SHF: variants seen among roughly 807,000 people sequenced by gnomAD.
SHF encodes SH2 domain-containing adapter protein F.
SHF carries 30 observed loss-of-function variants against 42.4 expected under a neutral mutation model. The observed-to-expected ratio is 0.71, with a 90% CI of 0.53 to 0.96. SHF has a LOEUF of 0.96. Among genes scored for constraint, SHF ranks in the 40% least tolerant of loss-of-function variants. The pLI is 0.00. For missense variants in SHF, 598 were observed against 634.0 expected (o/e 0.94, Z 0.61); for synonymous variants, 264 against 269.9 (o/e 0.98, Z 0.21).
At chr15:45,180,454 C>CT (rs1898069156) in intron 1 of SHF, among the ~76,000 whole-genome samples, 1 of 152,238 alleles carries the variant, frequency 6.6e-6, no homozygotes, top group African/African-American at 2.4e-5. Flanking sequence ...TTAACAGTGT[C>CT]TGACTCAACC....
chr15:45,175,411 T>G lies in SHF; in HGVS notation c.655A>C (p.Lys219Gln), dbSNP rs956805718. 5.0e-6 allele frequency: 8 copies of G among 1,584,708 alleles called. No individual in the cohort carries two copies. The highest frequency in any genetic ancestry group is 1.7e-4 in the Middle Eastern group (1 of 6,016). ...GGCAAGGGCTGAGTTGCTGTCTCCT[T>G]GGAGCCCCGGATCTCTGCCGGAGCA... ...QKMMAEIRGS[K>Q]ETATQPLPLY... The change falls in exon 3 of 7, where the codon AAG becomes CAG. Residue 219 changes from lysine to glutamine, a missense_variant. Transcript: ENST00000690270.
At chr15:45,175,819 CTTTTTTT>C (rs71114315) in intron 2 of SHF, among the ~76,000 whole-genome samples, 2 of 126,028 alleles carry the variant, frequency 1.6e-5, no homozygotes, top group African/African-American at 2.8e-5. Context: ...TTTTTCTTTT[CTTTTTTT>C]TTTTTTTTTT....
intron 1 of SHF, among the ~76,000 whole-genome samples, chr15:45,178,958 C>A (rs554575932): frequency 6.6e-6 from 1 of 152,262 alleles, no homozygotes; most frequent in Non-Finnish European, 1.5e-5. Flanking sequence ...CCATAGCTTA[C>A]ACCAGGTGGT....
chr15:45,193,713 A>G (rs1373668871), intron 2 of SHF, among the ~76,000 whole-genome samples: 1 of 152,202 alleles, frequency 6.6e-6, no homozygotes, highest in Non-Finnish European at 1.5e-5. Flanking sequence ...AAATGGAGCC[A>G]GGTGCAGTGG....
intron 1 of SHF, among the ~76,000 whole-genome samples, chr15:45,180,493 C>T (rs1022411760): frequency 6.6e-6 from 1 of 152,248 alleles, no homozygotes; most frequent in Non-Finnish European, 1.5e-5. Context: ...CTTGCGATGG[C>T]TCTCCAGTGC....
chr15:45,183,783 T>C (rs1433419906), intron 1 of SHF, among the ~76,000 whole-genome samples: 2 of 152,088 alleles, frequency 1.3e-5, no homozygotes, highest in African/African-American at 4.8e-5. Flanking sequence ...CCAGACAGAG[T>C]TGGTGCCACA....
rs1897281452 is a variant in SHF at position 45,167,365 on chromosome 15, T to C, written c.*582A>G. 1 of 151,970 alleles carries C rather than the reference T, an allele frequency of 6.6e-6. No homozygotes were observed. Among genetic ancestry groups the C allele is most frequent in the Non-Finnish European group, 1.5e-5 (1 of 68,110 alleles). The allele number at this position is 151,970 out of a possible 1,614,324, so 9.4% of individuals were successfully genotyped here. On this transcript the variant is annotated 3_prime_UTR_variant, in exon 7 of 7. Transcript: ENST00000690270. ...CAGGATCGGGTTTATTTATTGCCTCTGGCCCGGAGCCGGGGCGGCCTGGGG... is the reference window on the plus strand; with the variant it reads ...CAGGATCGGGTTTATTTATTGCCTCCGGCCCGGAGCCGGGGCGGCCTGGGG...
chr15:45,172,068 G>A lies in SHF; in HGVS notation c.1161-66C>T, dbSNP rs1251098419. 1.9e-6 allele frequency: 3 copies of A among 1,613,784 alleles called. No individual in the cohort carries two copies. The African/African-American group carries it at 4.0e-5, about 22-fold the overall frequency. On this transcript the variant is annotated intron_variant, in intron 5 of 6. Transcript: ENST00000690270. The stretch of plus-strand genomic sequence containing the variant: ...CCCTCGCTGTCCAGGCCCACCCATT[G>A]TGGGTGTCCCCTGTAGGGAAGCCAG...
At chr15:45,196,621 GGC>G (rs1898869959) in intron 2 of SHF, among the ~76,000 whole-genome samples, 2 of 152,090 alleles carry the variant, frequency 1.3e-5, no homozygotes, top group Non-Finnish European at 2.9e-5. Flanking sequence ...GGAAAGGCCG[GGC>G]GTGGTGGCTC....
intron 1 of SHF, among the ~76,000 whole-genome samples, chr15:45,180,339 A>C (rs1018732130): frequency 6.6e-6 from 1 of 152,044 alleles, no homozygotes; most frequent in African/African-American, 2.4e-5. Flanking sequence ...TCCCAGGCCA[A>C]CTGGCACCCA....
chr15:45,201,027 C>T, exon 1 of SHF: 1 of 351,620 alleles, frequency 2.8e-6, no homozygotes, highest in South Asian at 2.1e-5. Flanking sequence ...GCTGCTCTTG[C>T]GGGTGAACGT....
chr15:45,171,733 G>C, intron 6 of SHF, 150 bp downstream of exon 6: 1 of 759,564 alleles, frequency 1.3e-6, no homozygotes, highest in Non-Finnish European at 2.1e-6. Flanking sequence ...TGAGAGCAGG[G>C]GCTGAGTCTC....
chr15:45,198,677 C>A (rs1030651379), intron 2 of SHF: 26 of 1,476,022 alleles, frequency 1.8e-5, no homozygotes, highest in South Asian at 2.6e-5. Context: ...ACGATCACGG[C>A]GAGCTACCGG....
chr15:45,191,239 G>T (rs1024441159), upstream of SHF, among the ~76,000 whole-genome samples: 4 of 152,076 alleles, frequency 2.6e-5, no homozygotes, highest in Non-Finnish European at 5.9e-5. Flanking sequence ...GTAAAGATGG[G>T]GCCTCAGTAC....
In SHF at chr15:45,198,690, A is replaced by T; in HGVS notation, c.303+82T>A. ...ATACGATCACGGCGAGCTACCGGGGACCCGTAGGGGTTGGCTTCTGATTAT... is the reference window on the plus strand; with the variant it reads ...ATACGATCACGGCGAGCTACCGGGGTCCCGTAGGGGTTGGCTTCTGATTAT... On this transcript the variant is annotated intron_variant, in intron 2 of 7. Coordinates refer to the SHF transcript ENST00000290894. 5 of 1,508,548 alleles carry T rather than the reference A, an allele frequency of 3.3e-6. No individual in the cohort carries two copies. The South Asian group carries it at 3.9e-5, about 12-fold the overall frequency. 93.4% of individuals were successfully genotyped at this position (1,508,548 alleles called of 1,614,324 possible).
chr15:45,173,882 G>C (rs1029367346), intron 3 of SHF, among the ~76,000 whole-genome samples, 166 bp from the exon 4 acceptor site: 26 of 152,192 alleles, frequency 1.7e-4, no homozygotes, highest in Admixed American at 4.6e-4. Flanking sequence ...GCACTCAAGG[G>C]CTGGGCAGAG....
At chr15:45,169,231 G>T (rs1270232804) in intron 6 of SHF, among the ~76,000 whole-genome samples, 2 of 152,202 alleles carry the variant, frequency 1.3e-5, no homozygotes, top group Non-Finnish European at 2.9e-5. Context: ...CCCTGACTGG[G>T]TACAAGGCTC....
chr15:45,185,997 G>A (rs963095781), intron 1 of SHF, among the ~76,000 whole-genome samples: 13 of 152,326 alleles, frequency 8.5e-5, no homozygotes, highest in South Asian at 6.2e-4. Context: ...AGAGGAGAAG[G>A]GCCAAAGACA....
chr15:45,168,254 A>G, intron 6 of SHF, 121 bp from the exon 7 acceptor site: 2 of 981,388 alleles, frequency 2.0e-6, no homozygotes, highest in Non-Finnish European at 2.9e-6. Context: ...GCTGAGAATG[A>G]CAGGTGATTA....
Sources: allele counts gnomAD v4.1 joint callset (sites outside exome capture counted in the v4.1 genomes callset), GRCh38; gene constraint gnomAD v4.1.1; transcripts MANE v1.5; gene names NCBI Gene and HGNC (gene_info 2026-07-23, HGNC 2026-07-21).